The following SNX2 variants were observed in gnomAD, a reference collection of about 807,000 sequenced individuals.
SNX2 encodes sorting nexin 2.
SNX2 carries 25 observed loss-of-function variants against 69.9 expected under a neutral mutation model. The observed-to-expected ratio is 0.36, with a 90% CI of 0.26 to 0.50. The LOEUF is 0.50. Ranked by LOEUF, SNX2 falls within the 20% of genes least tolerant of loss-of-function variation. The pLI, the probability that SNX2 is intolerant of heterozygous loss-of-function variation, is 0.97. For synonymous variants in SNX2, 229 were observed against 200.4 expected, an observed-to-expected ratio of 1.14 and a Z score of -1.20; for missense variants, 551 against 613.3, an observed-to-expected ratio of 0.90 and a Z score of 1.07.
At chr5:122,797,644 G>T (rs759112953) in intron 2 of SNX2, among the ~76,000 whole-genome samples, 2 of 152,118 alleles carry the variant, frequency 1.3e-5, no homozygotes, top group African/African-American at 4.8e-5. Flanking sequence ...ACCTATACTC[G>T]ATTTGTCCCT....
At chr5:122,793,546 A>G (rs1461334271) in intron 1 of SNX2, among the ~76,000 whole-genome samples, 2 of 152,158 alleles carry the variant, frequency 1.3e-5, no homozygotes, top group African/African-American at 4.8e-5. Context: ...GAGTTTTTGA[A>G]ACTATCTAGC....
intron 1 of SNX2, among the ~76,000 whole-genome samples, chr5:122,792,700 A>G (rs11241656): frequency 0.2 from 30,971 of 152,168 alleles, 3,583 homozygotes; most frequent in East Asian, 0.46. Flanking sequence ...AAGAAAGTAA[A>G]AAGGTAAGCC....
At chr5:122,775,322 G>A in intron 1 of SNX2, 111 bp downstream of exon 1, 1 of 1,425,926 alleles carries the variant, frequency 7.0e-7, no homozygotes, top group Non-Finnish European at 9.3e-7. Flanking sequence ...ACCGTCTTGG[G>A]GTGACACCTG....
intron 7 of SNX2, among the ~76,000 whole-genome samples, chr5:122,813,832 G>A (rs1424119302): frequency 1.4e-5 from 2 of 142,326 alleles, no homozygotes; most frequent in African/African-American, 5.3e-5. Context: ...AGAGTGCAAT[G>A]GTGCAATCTC....
intron 2 of SNX2, among the ~76,000 whole-genome samples, chr5:122,799,415 T>C (rs1030040190): frequency 2.0e-5 from 3 of 152,172 alleles, no homozygotes; most frequent in Non-Finnish European, 2.9e-5. Context: ...TGTGGAATCA[T>C]CTGCATCATT....
chr5:122,811,012 T>G (rs1382999902), intron 7 of SNX2, among the ~76,000 whole-genome samples: 1 of 152,212 alleles, frequency 6.6e-6, no homozygotes, highest in Non-Finnish European at 1.5e-5. Context: ...TAGCCAGCTT[T>G]TCTAAAGTGA....
chr5:122,827,156 ATCT>A (rs2150018555), intron 12 of SNX2, among the ~76,000 whole-genome samples: 1 of 152,246 alleles, frequency 6.6e-6, no homozygotes, highest in Admixed American at 6.5e-5. Context: ...GTATTGAAAT[ATCT>A]TAATATTGAG....
At chr5:122,782,744 C>T (rs1581622886) in intron 1 of SNX2, among the ~76,000 whole-genome samples, 1 of 151,836 alleles carries the variant, frequency 6.6e-6, no homozygotes, top group Admixed American at 6.6e-5. Context: ...GCCATGTTAG[C>T]CAGGCTGGTC....
At chr5:122,785,268 C>G (rs1322571761) in intron 1 of SNX2, among the ~76,000 whole-genome samples, 2 of 150,744 alleles carry the variant, frequency 1.3e-5, no homozygotes, top group African/African-American at 4.9e-5. Context: ...ATTTGCTCTT[C>G]TAGTTTTTTT....
intron 2 of SNX2, among the ~76,000 whole-genome samples, chr5:122,795,748 T>A (rs1753363016): frequency 6.6e-6 from 1 of 152,210 alleles, no homozygotes; most frequent in Non-Finnish European, 1.5e-5. Context: ...AACTATGGAT[T>A]TAAAAATTAT....
rs532078274 is a variant in SNX2, at chr5:122,795,319, A to G, written c.162A>G (p.Ala54=). ...PASLPAEDIS[A]NSNGPKPTEV... The stretch of plus-strand genomic sequence containing the variant: ...GTCTTCCTGCAGAAGATATTAGTGC[A>G]AACTCCAATGGCCCAAAACCCACAG... Residue 54 remains alanine (A), a synonymous_variant, in exon 2 of 15, where the codon GCA becomes GCG. Coordinates refer to ENST00000379516, the MANE Select transcript of SNX2 (RefSeq NM_003100.4). The G allele has an allele frequency of 2.0e-5, 32 of 1,614,046 alleles. No individual in the cohort carries two copies. The highest frequency in any genetic ancestry group is 1.7e-4 in the Middle Eastern group (1 of 6,058).
chr5:122,799,672 C>T lies in SNX2; in HGVS notation c.227-20C>T. 1 of 1,596,810 alleles carries T rather than the reference C, an allele frequency of 6.3e-7. No individual in the cohort carries two copies. The highest frequency in any genetic ancestry group is 8.5e-7 in the Non-Finnish European group (1 of 1,171,400). On this transcript the variant is annotated intron_variant, in intron 2 of 14. Coordinates refer to ENST00000379516, the MANE Select transcript of SNX2 (RefSeq NM_003100.4). The stretch of plus-strand genomic sequence containing the variant: ...TTTGCTTGCCAGTGTTCTTAACTAA[C>T]TTGTTTAATCTATGTCTAGAAGCCA...
At chr5:122,779,440 T>G (rs1451851989) in intron 1 of SNX2, among the ~76,000 whole-genome samples, 1 of 152,324 alleles carries the variant, frequency 6.6e-6, no homozygotes, top group African/African-American at 2.4e-5. Context: ...GTGACGGGCT[T>G]TTTTCCTTTA....
chr5:122,828,537 T>A (rs1008845646), intron 14 of SNX2, among the ~76,000 whole-genome samples: 4 of 152,032 alleles, frequency 2.6e-5, no homozygotes, highest in African/African-American at 9.7e-5. Context: ...CCTCCTTATA[T>A]CCCATTTTTT....
At chr5:122,819,072 G>A (rs762343891) in intron 11 of SNX2, 49 bp downstream of exon 11, 2 of 1,439,146 alleles carry the variant, frequency 1.4e-6, no homozygotes, top group Non-Finnish European at 1.9e-6. Flanking sequence ...ACTTTAAAAA[G>A]TATTTTGTTT....
chr5:122,780,061 G>T (rs1254766903), intron 1 of SNX2, among the ~76,000 whole-genome samples: 1 of 152,228 alleles, frequency 6.6e-6, no homozygotes, highest in Admixed American at 6.5e-5. Flanking sequence ...CCCTTCAGAT[G>T]ATTCTTAGGG....
At chr5:122,775,898 C>T (rs918610410) in intron 1 of SNX2, 60 of 456,800 alleles carry the variant, frequency 1.3e-4, no homozygotes, top group African/African-American at 1.2e-3. Context: ...TTCGAAGTTA[C>T]CAAGGGAGAA....
intron 11 of SNX2, among the ~76,000 whole-genome samples, chr5:122,822,483 G>A (rs1430237690): frequency 6.6e-6 from 1 of 152,076 alleles, no homozygotes; most frequent in African/African-American, 2.4e-5. Flanking sequence ...ATTAACCTTT[G>A]GTTTTATCCA....
At chr5:122,795,491 A>G (rs1384805994) in intron 2 of SNX2, 108 bp downstream of exon 2, 1 of 716,094 alleles carries the variant, frequency 1.4e-6, no homozygotes, top group Non-Finnish European at 2.4e-6. Flanking sequence ...TGTTAGTGGC[A>G]GCTCTTGTAA....
Sources: allele counts gnomAD v4.1 joint callset (sites outside exome capture counted in the v4.1 genomes callset), GRCh38; gene constraint gnomAD v4.1.1; transcripts MANE v1.5; gene names NCBI Gene and HGNC (gene_info 2026-07-23, HGNC 2026-07-21).